CDH12: variants seen among roughly 807,000 people sequenced by gnomAD.
CDH12 encodes the protein cadherin-12.
Under a neutral mutation model 74.1 loss-of-function variants are expected in CDH12, and 41 were observed. That is an observed-to-expected ratio of 0.55 (90% CI 0.43 to 0.72). The LOEUF (loss-of-function observed/expected upper bound fraction) is 0.72. Ranked by LOEUF, CDH12 falls within the 30% of genes least tolerant of loss-of-function variation. The probability of loss-of-function intolerance (pLI) is 0.00; values close to 1 mark genes in which losing one functional copy is unlikely to be tolerated. For missense variants in CDH12, 945 were observed against 977.2 expected, an observed-to-expected ratio of 0.97 and a Z score of 0.44; for synonymous variants, 399 against 355.0, an observed-to-expected ratio of 1.12 and a Z score of -1.39.
chr5:21,906,702 G>T (rs921768103), intron 6 of CDH12, among the ~76,000 whole-genome samples: 3 of 152,198 alleles, frequency 2.0e-5, no homozygotes, highest in Non-Finnish European at 4.4e-5. Flanking sequence ...TTGTGAGTCT[G>T]TAGATACATC....
chr5:21,852,395 G>C (rs147293540), intron 7 of CDH12, among the ~76,000 whole-genome samples: 1 of 151,164 alleles, frequency 6.6e-6, no homozygotes, highest in Non-Finnish European at 1.5e-5. Context: ...ACATATTCAC[G>C]TACTGTATGG....
At chr5:22,011,496 T>C (rs1737290401) in intron 5 of CDH12, among the ~76,000 whole-genome samples, 1 of 152,190 alleles carries the variant, frequency 6.6e-6, no homozygotes, top group African/African-American at 2.4e-5. Context: ...TGTATGTCCA[T>C]TTAACTTCTG....
rs114633114 is a variant in CDH12, at chr5:22,808,030, T to C, written c.-523+45028A>G. On this transcript the variant is annotated intron_variant, in intron 1 of 14. Coordinates refer to ENST00000382254, the MANE Select transcript of CDH12 (RefSeq NM_004061.5). ...ATTTTTCAGCTTCATTATAATCTTA[T>C]GGGACCACTGTCCTATATGCGGACC... Among the ~76,000 whole-genome samples, 561 of 152,368 alleles carry C rather than the reference T, an allele frequency of 3.7e-3. 4 individuals are homozygous for C. Among genetic ancestry groups the C allele is most frequent in the African/African-American group, 0.013 (535 of 41,598 alleles).
intron 6 of CDH12, among the ~76,000 whole-genome samples, chr5:21,915,524 A>G (rs1467351112): frequency 6.6e-6 from 1 of 152,190 alleles, no homozygotes; most frequent in South Asian, 2.1e-4. Context: ...TAAGATTGGT[A>G]CTGGAGAGTG....
intron 5 of CDH12, among the ~76,000 whole-genome samples, chr5:21,987,963 C>T (rs13356401): frequency 0.15 from 23,254 of 151,020 alleles, 2,013 homozygotes; most frequent in African/African-American, 0.22. Flanking sequence ...GACAAACTTA[C>T]GTAAATAATA....
intron 1 of CDH12, among the ~76,000 whole-genome samples, chr5:22,755,539 A>T (rs903901372): frequency 1.8e-4 from 27 of 152,256 alleles, no homozygotes; most frequent in African/African-American, 6.5e-4. Context: ...TTTGGTAAAA[A>T]GTTCTTGAAG....
chr5:21,960,984 CATGTAA>C (rs1383647795), intron 6 of CDH12, among the ~76,000 whole-genome samples: 1 of 152,006 alleles, frequency 6.6e-6, no homozygotes, highest in Non-Finnish European at 1.5e-5. Context: ...ATAAACGTTC[CATGTAA>C]ATTTGATAAA....
intron 6 of CDH12, among the ~76,000 whole-genome samples, chr5:21,910,200 T>C (rs528641482): frequency 6.6e-6 from 1 of 152,278 alleles, no homozygotes; most frequent in African/African-American, 2.4e-5. Context: ...TTCAGAAATC[T>C]TCTGGCTACA....
intron 6 of CDH12, among the ~76,000 whole-genome samples, chr5:21,892,042 T>C (rs1752924043): frequency 2.0e-5 from 3 of 152,210 alleles, no homozygotes; most frequent in African/African-American, 7.2e-5. Context: ...ATATAACACG[T>C]TCAGTTTTAA....
intron 1 of CDH12, among the ~76,000 whole-genome samples, chr5:22,806,120 C>T (rs1581018632): frequency 1.3e-5 from 2 of 152,024 alleles, no homozygotes; most frequent in South Asian, 2.1e-4. Flanking sequence ...AATAAACATA[C>T]GTGTGCATGT....
At chr5:22,756,547 C>T (rs1004428044) in intron 1 of CDH12, among the ~76,000 whole-genome samples, 3 of 152,012 alleles carry the variant, frequency 2.0e-5, no homozygotes, top group African/African-American at 7.3e-5. Context: ...TCACAATTTA[C>T]CCTCATTATC....
chr5:21,812,533 G>A (rs1428907762), intron 9 of CDH12, among the ~76,000 whole-genome samples: 1 of 152,036 alleles, frequency 6.6e-6, no homozygotes, highest in African/African-American at 2.4e-5. Flanking sequence ...CTTGAGTATA[G>A]TACTATTTTA....
At position 22,515,710 on chromosome 5, in the gene CDH12, A is replaced by G. The variant is rs1008568767; in HGVS notation, c.-522-10346T>C. ...ATGAGAAATTTGATGATCTCTAATT[A>G]AAAATTTTTATATCCCTACCTCACT... On this transcript the variant is annotated intron_variant, in intron 1 of 14. Transcript: ENST00000382254. Among the ~76,000 whole-genome samples, 31 of 152,216 alleles carry G rather than the reference A, an allele frequency of 2.0e-4. 1 individual carries two copies. The highest frequency in any genetic ancestry group is 7.5e-4 in the African/African-American group (31 of 41,576).
At chr5:22,703,617 T>C (rs537788507) in intron 1 of CDH12, among the ~76,000 whole-genome samples, 3 of 152,226 alleles carry the variant, frequency 2.0e-5, no homozygotes, top group East Asian at 3.9e-4. Context: ...TTAAGAAAAA[T>C]GTGGCAAAAA....
intron 3 of CDH12, among the ~76,000 whole-genome samples, chr5:22,339,984 TACA>T (rs1334201213): frequency 1.3e-5 from 2 of 152,194 alleles, no homozygotes; most frequent in Non-Finnish European, 2.9e-5. Flanking sequence ...TGTATATAAG[TACA>T]TTTCTATTTT....
intron 10 of CDH12, among the ~76,000 whole-genome samples, chr5:21,783,969 T>A (rs1461697470): frequency 6.6e-6 from 1 of 152,156 alleles, no homozygotes; most frequent in Non-Finnish European, 1.5e-5. Context: ...TTTTTTTAAC[T>A]GACAATTTGG....
chr5:22,092,416 A>G (rs769657389), intron 4 of CDH12, among the ~76,000 whole-genome samples: 72 of 152,170 alleles, frequency 4.7e-4, no homozygotes, highest in Non-Finnish European at 7.5e-4. Flanking sequence ...TTATTATTCA[A>G]TAGAAAGATA....
chr5:21,774,011 T>C (rs1265772577), intron 11 of CDH12, among the ~76,000 whole-genome samples: 2 of 152,116 alleles, frequency 1.3e-5, no homozygotes, highest in Admixed American at 6.6e-5. Flanking sequence ...TCAGGAGATG[T>C]GTGTGGGTTC....
intron 1 of CDH12, among the ~76,000 whole-genome samples, chr5:22,574,073 CT>C (rs543910610): frequency 0.01 from 912 of 87,476 alleles, 1 homozygote; most frequent in African/African-American, 0.029. Flanking sequence ...GTCTCTCTCT[CT>C]TTTTTTTTTT....
Sources: allele counts gnomAD v4.1 joint callset (sites outside exome capture counted in the v4.1 genomes callset), GRCh38; gene constraint gnomAD v4.1.1; transcripts MANE v1.5; gene names NCBI Gene and HGNC (gene_info 2026-07-23, HGNC 2026-07-21).